LPA: variants seen among roughly 807,000 people sequenced by gnomAD.
LPA encodes the protein lipoprotein(a).
Under a neutral mutation model 197.9 loss-of-function variants are expected in LPA, and 199 were observed. That is an observed-to-expected ratio of 1.01 (90% CI 0.90 to 1.13). The LOEUF (loss-of-function observed/expected upper bound fraction) is 1.13. Among genes scored for constraint, LPA ranks in the 50% most tolerant of loss-of-function variants. LPA has a pLI of 0.00. For missense variants in LPA, 1,853 were observed against 1,785.8 expected (o/e 1.04, Z -0.68); for synonymous variants, 715 against 639.5 (o/e 1.12, Z -1.78).
intron 28 of LPA, among the ~76,000 whole-genome samples, chr6:160,576,424 A>C: frequency 8.1e-6 from 1 of 123,896 alleles, no homozygotes; most frequent in Non-Finnish European, 1.7e-5. Context: ...ATGGGTATAT[A>C]TATATATACA....
chr6:160,578,765 G>A (rs563853972), intron 26 of LPA, 61 bp from the exon 27 acceptor site: 205 of 1,611,266 alleles, frequency 1.3e-4, no homozygotes, highest in South Asian at 3.0e-4. Flanking sequence ...GGCACTTAGC[G>A]CCCTCTACAT....
At chr6:160,610,281 C>T (rs925719307) in intron 16 of LPA, among the ~76,000 whole-genome samples, 1 of 152,150 alleles carries the variant, frequency 6.6e-6, no homozygotes, top group African/African-American at 2.4e-5. Context: ...CTCACAGGCA[C>T]TTCATTGATT....
In LPA at chr6:160,576,384, A is replaced by ATGTG. The variant is rs1562327960; in HGVS notation, c.4631+751_4631+752insCACA. On this transcript the variant is annotated intron_variant, in intron 28 of 38. Coordinates refer to ENST00000316300, the MANE Select transcript of LPA (RefSeq NM_005577.4). ...TATATATACATATATATATATATAT[A>ATGTG]TATATGTATATATATATATATATAT... Among the ~76,000 whole-genome samples, 204 of 72,850 alleles carry ATGTG rather than the reference A, an allele frequency of 2.8e-3. 1 individual carries two copies. Among genetic ancestry groups the ATGTG allele is most frequent in the East Asian group, 8.5e-3 (23 of 2,702 alleles). The allele number at this position is 72,850 out of a possible 152,430, so 47.8% of individuals were successfully genotyped here. A position where few individuals can be genotyped will look rare whatever the true frequency, so the allele number is the denominator to read the frequency against.
intron 21 of LPA, 115 bp from the exon 22 acceptor site, chr6:160,594,232 T>C: frequency 2.3e-6 from 3 of 1,299,602 alleles, no homozygotes; most frequent in Non-Finnish European, 3.3e-6. Flanking sequence ...CATGCTCTGT[T>C]CTGTACTAGC....
At chr6:160,566,460 C>A (rs1315610492) in intron 28 of LPA, among the ~76,000 whole-genome samples, 1 of 152,174 alleles carries the variant, frequency 6.6e-6, no homozygotes. Context: ...TTGTCACCAC[C>A]AGGCCTGCCT....
intron 26 of LPA, among the ~76,000 whole-genome samples, chr6:160,579,763 C>T (rs917605876): frequency 1.3e-5 from 2 of 152,188 alleles, no homozygotes; most frequent in South Asian, 4.1e-4. Context: ...AGACTCTACA[C>T]ATGTGACCTA....
intron 26 of LPA, among the ~76,000 whole-genome samples, chr6:160,582,690 T>C (rs1778824022): frequency 6.6e-6 from 1 of 152,154 alleles, no homozygotes; most frequent in African/African-American, 2.4e-5. Context: ...TTTAAAATCC[T>C]ATATCTGATC....
intron 28 of LPA, among the ~76,000 whole-genome samples, chr6:160,558,195 A>G (rs1434074182): frequency 6.6e-6 from 1 of 152,188 alleles, no homozygotes; most frequent in African/African-American, 2.4e-5. Context: ...CTGGGATTAC[A>G]GGTGTGAGCC....
At chr6:160,581,588 C>T (rs559146841) in intron 26 of LPA, among the ~76,000 whole-genome samples, 1 of 152,178 alleles carries the variant, frequency 6.6e-6, no homozygotes, top group African/African-American at 2.4e-5. Flanking sequence ...AGCCAAGCGT[C>T]CCAGCCAATA....
intron 37 of LPA, among the ~76,000 whole-genome samples, chr6:160,533,240 A>C (rs41266369): frequency 0.022 from 3,294 of 152,308 alleles, 115 homozygotes; most frequent in African/African-American, 0.075. Context: ...TGGTACCTGC[A>C]AAAATGGTTA....
chr6:160,589,474 A>C, intron 24 of LPA, 79 bp downstream of exon 24: 1 of 1,546,382 alleles, frequency 6.5e-7, no homozygotes, highest in South Asian at 1.1e-5. Flanking sequence ...GGTCATAAGA[A>C]GTTAGCTGGA....
chr6:160,611,457 A>C lies in LPA; in HGVS notation c.2603+105T>G, dbSNP rs111937435. 1.1e-4 allele frequency: 177 copies of C among 1,542,012 alleles called. 2 individuals carry two copies. The highest frequency in any genetic ancestry group is 7.1e-4 in the South Asian group (64 of 89,724). The stretch of plus-strand genomic sequence containing the variant: ...CTGAGACATTTTGCTACACCATCTG[A>C]ATCTGACACAAGTTGAGTTCGGAGA... On this transcript the variant is annotated intron_variant, in intron 16 of 38. Transcript: ENST00000316300.
rs537612191 is a variant in LPA at position 160,609,105 on chromosome 6, T to G, written c.2604-2447A>C. ...TTCATCTTTTTTTAAATATTTGAAA[T>G]AGTTATCTTAGTCATATGTCAAATT... On this transcript the variant is annotated intron_variant, in intron 16 of 38. Coordinates refer to ENST00000316300, the MANE Select transcript of LPA (RefSeq NM_005577.4). Among the ~76,000 whole-genome samples the G allele has an allele frequency of 6.1e-4, 93 of 152,274 alleles. 1 individual carries two copies. The highest frequency in any genetic ancestry group is 2.2e-3 in the African/African-American group (92 of 41,520).
rs1288346794 is a variant in LPA at position 160,538,029 on chromosome 6, A to G, written c.5736-68T>C. 3.6e-6 allele frequency: 5 copies of G among 1,376,774 alleles called. No homozygotes were observed. The African/African-American group carries it at 7.1e-5, about 20-fold the overall frequency. 85.3% of individuals were successfully genotyped at this position (1,376,774 alleles called of 1,614,324 possible). A position where few individuals can be genotyped will look rare whatever the true frequency, so the allele number is the denominator to read the frequency against. On this transcript the variant is annotated intron_variant, in intron 36 of 38. Coordinates refer to ENST00000316300, the MANE Select transcript of LPA (RefSeq NM_005577.4). ...GAAGTGGCAGTACCTACAACCAGGC[A>G]TCCCTGCCTTGAAGCCCCAGAGCCC... is the stretch of plus-strand genomic sequence containing the variant.
intron 28 of LPA, among the ~76,000 whole-genome samples, chr6:160,576,670 T>G (rs1229995587): frequency 8.6e-5 from 9 of 104,232 alleles, no homozygotes; most frequent in Non-Finnish European, 1.3e-4. Flanking sequence ...ATTCAGATGT[T>G]TGTGTGTGTG....
intron 30 of LPA, among the ~76,000 whole-genome samples, chr6:160,555,436 CATATAT>C (rs770158265): frequency 8.2e-6 from 1 of 122,002 alleles, no homozygotes; most frequent in South Asian, 2.6e-4. Flanking sequence ...TTCCCTAGAA[CATATAT>C]ATATATATAT....
chr6:160,599,662 G>T lies in LPA; in HGVS notation c.3128-3C>A. 2 of 1,613,934 alleles carry T rather than the reference G, an allele frequency of 1.2e-6. No individual in the cohort carries two copies. Among genetic ancestry groups the T allele is most frequent in the Non-Finnish European group, 8.5e-7 (1 of 1,179,906 alleles). ...CCCGGGGGTTTCCTCAGTCAGTGCT[G>T]AAATTAAAACAGAAGACATCAAGCT... On this transcript the variant is annotated splice_polypyrimidine_tract_variant and splice_region_variant and intron_variant, in intron 19 of 38. Transcript: ENST00000316300.
intron 1 of LPA, among the ~76,000 whole-genome samples, chr6:160,659,815 T>C (rs561421853): frequency 1.3e-5 from 2 of 152,178 alleles, no homozygotes; most frequent in Non-Finnish European, 2.9e-5. Context: ...AGCTACACTG[T>C]GCTGGAGGTC....
At chr6:160,553,351 C>A (rs1362831342) in intron 30 of LPA, among the ~76,000 whole-genome samples, 4 of 152,146 alleles carry the variant, frequency 2.6e-5, no homozygotes, top group South Asian at 4.1e-4. Context: ...TCCTTAAAAT[C>A]TTTTAATACA....
Sources: allele counts gnomAD v4.1 joint callset (sites outside exome capture counted in the v4.1 genomes callset), GRCh38; gene constraint gnomAD v4.1.1; transcripts MANE v1.5; gene names NCBI Gene and HGNC (gene_info 2026-07-23, HGNC 2026-07-21).